The following TOMM70 variants were observed in gnomAD, a reference collection of about 807,000 sequenced individuals.
The protein encoded by TOMM70 is mitochondrial import receptor subunit TOM70.
TOMM70 carries 13 observed loss-of-function variants against 73.6 expected under a neutral mutation model. That is an observed-to-expected ratio of 0.18 (90% CI 0.11 to 0.28). The LOEUF is 0.28. Ranked by LOEUF, TOMM70 falls within the 10% of genes least tolerant of loss-of-function variation. The pLI, the probability that TOMM70 is intolerant of heterozygous loss-of-function variation, is 1.00. For synonymous variants in TOMM70, 257 were observed against 271.2 expected, an observed-to-expected ratio of 0.95 and a Z score of 0.51; for missense variants, 609 against 747.5, an observed-to-expected ratio of 0.81 and a Z score of 2.16.
chr3:100,386,478 G>A (rs1442775513), intron 2 of TOMM70, 134 bp from the exon 3 acceptor site: 10 of 959,950 alleles, frequency 1.0e-5, no homozygotes, highest in Non-Finnish European at 1.3e-5. Flanking sequence ...GTTAATATCT[G>A]CAATATATTA....
At chr3:100,367,912 T>G (rs550850738) in intron 11 of TOMM70, 132 bp downstream of exon 11, 3 of 1,010,286 alleles carry the variant, frequency 3.0e-6, no homozygotes, top group Admixed American at 7.6e-5. Context: ...TTAGCACATT[T>G]TTTTTTCCAA....
chr3:100,401,047 A>C lies in TOMM70; in HGVS notation c.-98T>G. 7.9e-7 allele frequency: 1 copy of C among 1,268,504 alleles called. No individual in the cohort carries two copies. Among genetic ancestry groups the C allele is most frequent in the Non-Finnish European group, 1.1e-6 (1 of 914,834 alleles). The allele number at this position is 1,268,504 out of a possible 1,614,324, so 78.6% of individuals were successfully genotyped here. On this transcript the variant is annotated 5_prime_UTR_variant, in exon 1 of 12. Transcript: ENST00000284320. ...ACCGAGGGAGGGAAGGAAAGCAATG[A>C]GCGAGCGAGCACGCTAGGCAGAGAG... is the stretch of plus-strand genomic sequence containing the variant.
intron 5 of TOMM70, among the ~76,000 whole-genome samples, chr3:100,381,396 A>C (rs1212203610): frequency 2.0e-5 from 3 of 152,180 alleles, no homozygotes; most frequent in Non-Finnish European, 1.5e-5. Context: ...GACTCCTGGC[A>C]GTAAAACCCT....
chr3:100,367,693 A>C (rs552243106), intron 11 of TOMM70, among the ~76,000 whole-genome samples: 91 of 152,342 alleles, frequency 6.0e-4, no homozygotes, highest in South Asian at 1.2e-3. Flanking sequence ...TTAATGGTGG[A>C]TCTTAAGAGC....
intron 5 of TOMM70, among the ~76,000 whole-genome samples, chr3:100,378,781 C>A (rs942161022): frequency 2.0e-5 from 3 of 151,966 alleles, no homozygotes; most frequent in African/African-American, 7.2e-5. Flanking sequence ...CAGAGGTGGG[C>A]GGATCACGAG....
At chr3:100,376,004 A>G (rs1383969850) in intron 6 of TOMM70, among the ~76,000 whole-genome samples, 1 of 152,132 alleles carries the variant, frequency 6.6e-6, no homozygotes, top group Non-Finnish European at 1.5e-5. Context: ...GAGGGTTCCA[A>G]TTTTCCACAT....
At chr3:100,390,438 C>G (rs919815994) in intron 1 of TOMM70, among the ~76,000 whole-genome samples, 3 of 152,188 alleles carry the variant, frequency 2.0e-5, no homozygotes, top group Non-Finnish European at 4.4e-5. Context: ...ATTCCTATTG[C>G]CTAGTGATGT....
chr3:100,400,633 A>C lies in TOMM70; in HGVS notation c.317T>G (p.Leu106Trp). ...SGHPEGPGAH[L>W]DMNSLDRAQA... ...CCTGGGGCTGCTTCTCACCATGTCCAAGTGAGCACCGGGACCTTCAGGGTG... is the reference window on the plus strand; with the variant it reads ...CCTGGGGCTGCTTCTCACCATGTCCCAGTGAGCACCGGGACCTTCAGGGTG... Residue 106 changes from leucine (L) to tryptophan (W), a missense_variant, in exon 1 of 12, where the codon TTG becomes TGG. Transcript: ENST00000284320. 6.2e-7 allele frequency: 1 copy of C among 1,611,416 alleles called. No individual in the cohort carries two copies. The highest frequency in any genetic ancestry group is 8.5e-7 in the Non-Finnish European group (1 of 1,179,252).
At chr3:100,392,234 A>C (rs530396925) in intron 1 of TOMM70, among the ~76,000 whole-genome samples, 96 of 152,332 alleles carry the variant, frequency 6.3e-4, no homozygotes, top group African/African-American at 2.3e-3. Flanking sequence ...ACTATATATT[A>C]GGTGGTTGGT....
chr3:100,373,128 GA>G (rs1350659074), intron 8 of TOMM70, among the ~76,000 whole-genome samples: 2 of 137,992 alleles, frequency 1.4e-5, no homozygotes, highest in Non-Finnish European at 3.1e-5. Context: ...TATTTTACTA[GA>G]AAAATTTTTA....
Position 100,365,329 on chromosome 3 carries a change from C to A in TOMM70, c.*235G>T, listed in dbSNP as rs1274429484. 6.5e-6 allele frequency: 3 copies of A among 460,144 alleles called. No individual in the cohort carries two copies. The highest frequency in any genetic ancestry group is 3.7e-5 in the Admixed American group (1 of 27,034). The allele number at this position is 460,144 out of a possible 1,614,324, so 28.5% of individuals were successfully genotyped here. A position where few individuals can be genotyped will look rare whatever the true frequency, so the allele number is the denominator to read the frequency against. The stretch of plus-strand genomic sequence containing the variant: ...ACTCTTTGCAACTTTATTTAAAAAT[C>A]CCTTTAACATGTTCTAATCTTTTGT... On this transcript the variant is annotated 3_prime_UTR_variant, in exon 12 of 12. Coordinates refer to ENST00000284320, the MANE Select transcript of TOMM70 (RefSeq NM_014820.5).
intron 9 of TOMM70, among the ~76,000 whole-genome samples, chr3:100,371,056 A>G (rs1403710929): frequency 6.6e-6 from 1 of 152,200 alleles, no homozygotes; most frequent in East Asian, 1.9e-4. Flanking sequence ...TAAAATGTAC[A>G]CTTTAATGTA....
At position 100,381,683 on chromosome 3, in the gene TOMM70, G is replaced by T. The variant is rs781527539; in HGVS notation, c.816C>A (p.Pro272=). The T allele has an allele frequency of 6.2e-7, 1 of 1,612,978 alleles. No individual in the cohort carries two copies. The change falls in exon 5 of 12, where the codon CCC becomes CCA. Residue 272 remains proline (P), a synonymous_variant. Transcript: ENST00000284320. ...CATCAGATTTCTCTCCTTTAAGCAT[G>T]GGCTGGGAAATGATATCATCCGTGA... ...SSFTDDIISQ[P]MLKGEKSDED...
At chr3:100,368,885 T>A (rs1706478366) in intron 10 of TOMM70, among the ~76,000 whole-genome samples, 153 bp downstream of exon 10, 1 of 152,212 alleles carries the variant, frequency 6.6e-6, no homozygotes, top group Admixed American at 6.5e-5. Context: ...CCTTAACTAA[T>A]TTCTGTAAGA....
chr3:100,391,052 A>G (rs1419858276), intron 1 of TOMM70, among the ~76,000 whole-genome samples: 2 of 152,036 alleles, frequency 1.3e-5, no homozygotes, highest in African/African-American at 4.8e-5. Context: ...GAGGCAGGAG[A>G]ATGGTGTGAA....
chr3:100,383,729 T>C (rs1250044799), intron 4 of TOMM70, among the ~76,000 whole-genome samples: 1 of 152,192 alleles, frequency 6.6e-6, no homozygotes, highest in Non-Finnish European at 1.5e-5. Flanking sequence ...AGCAAGTTAT[T>C]ATTAAAGGAA....
chr3:100,375,419 G>C (rs1454955929), intron 6 of TOMM70, among the ~76,000 whole-genome samples: 1 of 152,054 alleles, frequency 6.6e-6, no homozygotes, highest in Non-Finnish European at 1.5e-5. Flanking sequence ...TCAGCCCCTA[G>C]AAAACACCAA....
intron 2 of TOMM70, 49 bp from the exon 3 acceptor site, chr3:100,386,393 C>A: frequency 6.6e-7 from 1 of 1,522,480 alleles, no homozygotes; most frequent in Non-Finnish European, 8.8e-7. Context: ...AAGTACTGTT[C>A]AATAGAAATC....
At chr3:100,368,984 T>A in intron 10 of TOMM70, 54 bp downstream of exon 10, 1 of 1,347,102 alleles carries the variant, frequency 7.4e-7, no homozygotes, top group Non-Finnish European at 1.1e-6. Context: ...AAATACATTT[T>A]ATTACTATGC....
Sources: gnomAD v4.1 joint callset for allele counts (sites outside exome capture counted in the v4.1 genomes callset) on GRCh38, gnomAD v4.1.1 for gene constraint, MANE v1.5 for transcripts, NCBI Gene and HGNC (gene_info 2026-07-23, HGNC 2026-07-21) for gene names.